The following XYLT1 variants were observed in gnomAD, a reference collection of about 807,000 sequenced individuals.
XYLT1 encodes the protein xylosyltransferase 1.
In XYLT1, 36 loss-of-function variants were observed where a neutral mutation model predicts 91.3. That is an observed-to-expected ratio of 0.39 (90% confidence interval 0.30 to 0.52). XYLT1 has a LOEUF of 0.52. XYLT1 is among the 20% of genes least tolerant of loss of function. XYLT1 has a pLI of 0.68. For synonymous variants in XYLT1, 588 were observed against 532.0 expected (o/e 1.11, Z -1.45); for missense variants, 1,242 against 1,284.5 (o/e 0.97, Z 0.51).
At position 17,182,849 on chromosome 16, in the gene XYLT1, G is replaced by A. The variant is rs538868153; in HGVS notation, c.1289+15363C>T. Among the ~76,000 whole-genome samples, 62 of 152,270 alleles carry A rather than the reference G, an allele frequency of 4.1e-4. 1 individual carries two copies. The highest frequency in any genetic ancestry group is 1.4e-3 in the African/African-American group (59 of 41,556). The stretch of plus-strand genomic sequence containing the variant: ...GGTCCAATGGGAACAGGATTACAAA[G>A]GAATTTGAAGGTTGGGGTTGTTCTT... On this transcript the variant is annotated intron_variant, in intron 5 of 11. Transcript: ENST00000261381.
intron 7 of XYLT1, 196 bp from the exon 8 acceptor site, chr16:17,138,727 A>G (rs2030865202): frequency 1.8e-6 from 1 of 564,070 alleles, no homozygotes; most frequent in East Asian, 2.9e-5. Context: ...TTTTCTTTAT[A>G]AATTACCAAG....
chr16:17,244,691 C>G (rs891003533), intron 3 of XYLT1, among the ~76,000 whole-genome samples: 1 of 152,180 alleles, frequency 6.6e-6, no homozygotes, highest in Non-Finnish European at 1.5e-5. Context: ...CAGAATGGTA[C>G]TAGTTATGTA....
intron 1 of XYLT1, among the ~76,000 whole-genome samples, chr16:17,428,360 A>G (rs188707613): frequency 6.6e-6 from 1 of 152,292 alleles, no homozygotes; most frequent in Non-Finnish European, 1.5e-5. Context: ...GGCAGAGCTT[A>G]CACCTGACCC....
rs770446499 is a variant in XYLT1, at chr16:17,134,687, T to A, written c.1813A>T (p.Asn605Tyr). ...FFARKFEAVVNQEIIGQLDYY... is the reference protein window; with the variant it reads ...FFARKFEAVVYQEIIGQLDYY... ...TCCAGCTGCCCAATGATTTCCTGATTCACCACGGCTTCAAACTTGCGGGCA... is the reference window on the plus strand; with the variant it reads ...TCCAGCTGCCCAATGATTTCCTGATACACCACGGCTTCAAACTTGCGGGCA... Residue 605 changes from asparagine (N) to tyrosine (Y), a missense_variant, in exon 9 of 12, where the codon AAT (asparagine) becomes TAT (tyrosine). By Grantham distance (143) the Asn-to-Tyr change is moderately radical. This residue lies in a region of XYLT1 where 511 missense variants were observed against 497.0 expected (regional missense o/e 1.03). Coordinates refer to ENST00000261381, the MANE Select transcript of XYLT1 (RefSeq NM_022166.4). 9.5e-5 allele frequency: 154 copies of A among 1,614,050 alleles called. No homozygotes were observed. The highest frequency in any genetic ancestry group is 1.2e-4 in the Non-Finnish European group (144 of 1,180,030).
At position 17,138,444 on chromosome 16, in the gene XYLT1, G is replaced by A; in HGVS notation, c.1675C>T (p.Leu559=). ...NLRITNWNRK[L]GCKCQYKHIV... The stretch of plus-strand genomic sequence containing the variant: ...TGCTTGTACTGGCACTTGCAGCCCA[G>A]CTTGCGATTCCAGTTGGTGATGCGC... The change falls in exon 8 of 12, where the codon CTG becomes TTG. Residue 559 remains leucine, a synonymous_variant. Transcript: ENST00000261381. 6.2e-7 allele frequency: 1 copy of A among 1,614,182 alleles called. No individual in the cohort carries two copies. Among genetic ancestry groups the A allele is most frequent in the Middle Eastern group, 1.7e-4 (1 of 6,060 alleles).
intron 3 of XYLT1, among the ~76,000 whole-genome samples, chr16:17,216,113 A>G (rs2032854131): frequency 6.6e-6 from 1 of 152,164 alleles, no homozygotes; most frequent in Non-Finnish European, 1.5e-5. Context: ...CTCTTGACCC[A>G]GAGGCTGCTG....
At chr16:17,428,548 A>G (rs760264845) in intron 1 of XYLT1, among the ~76,000 whole-genome samples, 3 of 152,222 alleles carry the variant, frequency 2.0e-5, no homozygotes, top group Non-Finnish European at 4.4e-5. Flanking sequence ...TTACAAATGC[A>G]TAATTATTTA....
At chr16:17,138,163 G>GGTTAGAACATCCCTGAAGTTA in intron 8 of XYLT1, 192 bp downstream of exon 8, 2 of 589,480 alleles carry the variant, frequency 3.4e-6, no homozygotes, top group Admixed American at 6.0e-5. Flanking sequence ...GAGTCAATGT[G>GGTTAGAACATCCCTGAAGTTA]GTTAGAACAT....
At chr16:17,216,912 G>C (rs1262551891) in intron 3 of XYLT1, among the ~76,000 whole-genome samples, 1 of 152,222 alleles carries the variant, frequency 6.6e-6, no homozygotes, top group African/African-American at 2.4e-5. Flanking sequence ...GATCACAACA[G>C]CAACGAGCAG....
rs1409654084 is a variant in XYLT1, at chr16:17,347,816, G to A, written c.402+10196C>T. Among the ~76,000 whole-genome samples, 3 of 152,328 alleles carry A rather than the reference G, an allele frequency of 2.0e-5. No individual in the cohort carries two copies. The East Asian group carries it at 5.8e-4, about 29-fold the overall frequency. ...GACTGTACAAAGAGATTCTTTATAA[G>A]GAAAACTAACAAGGGAGGTGCTATG... On this transcript the variant is annotated intron_variant, in intron 2 of 11. Transcript: ENST00000261381.
chr16:17,353,750 T>A (rs7500021), intron 2 of XYLT1, among the ~76,000 whole-genome samples: 1 of 152,036 alleles, frequency 6.6e-6, no homozygotes, highest in African/African-American at 2.4e-5. Context: ...TTGGATTGCA[T>A]ATACCAAGCC....
chr16:17,146,346 C>T (rs556622715), intron 6 of XYLT1, among the ~76,000 whole-genome samples: 27 of 152,288 alleles, frequency 1.8e-4, no homozygotes, highest in Admixed American at 1.3e-3. Flanking sequence ...CTGAAATGTG[C>T]TTTTCATCTG....
intron 3 of XYLT1, chr16:17,250,775 T>G (rs118062845): frequency 1.3e-5 from 2 of 152,330 alleles, no homozygotes; most frequent in Non-Finnish European, 2.9e-5. Context: ...CAGTTGGAAC[T>G]GCAAGGGCCG....
chr16:17,339,348 G>A (rs969657147), intron 2 of XYLT1, among the ~76,000 whole-genome samples: 9 of 152,080 alleles, frequency 5.9e-5, no homozygotes, highest in African/African-American at 1.9e-4. Flanking sequence ...AGCAACACCC[G>A]AGACTTTGAC....
intron 1 of XYLT1, among the ~76,000 whole-genome samples, chr16:17,444,512 CT>C (rs56872670): frequency 1.4e-3 from 203 of 143,602 alleles, no homozygotes; most frequent in Admixed American, 1.5e-3. Context: ...ACTTCTTCTT[CT>C]TTTTTTTTTT....
intron 5 of XYLT1, among the ~76,000 whole-genome samples, chr16:17,179,569 C>G (rs2032020549): frequency 6.6e-6 from 1 of 152,198 alleles, no homozygotes; most frequent in African/African-American, 2.4e-5. Flanking sequence ...CACTTATCTA[C>G]TGTCTCTTTC....
chr16:17,408,630 G>A (rs965957205), intron 1 of XYLT1, among the ~76,000 whole-genome samples: 2 of 152,336 alleles, frequency 1.3e-5, no homozygotes, highest in South Asian at 2.1e-4. Context: ...CGGATCACCT[G>A]AAGTCAGGAG....
Position 17,383,199 on chromosome 16 carries a change from A to T in XYLT1, c.364-25149T>A, listed in dbSNP as rs2035702866. The stretch of plus-strand genomic sequence containing the variant: ...ACCGTCACTAGCCACAAACACAGGA[A>T]ATGCACAGCAGCTTCACATCTTCCT... On this transcript the variant is annotated intron_variant, in intron 1 of 11. Coordinates refer to ENST00000261381, the MANE Select transcript of XYLT1 (RefSeq NM_022166.4). Among the ~76,000 whole-genome samples, 3 of 151,814 alleles carry T rather than the reference A, an allele frequency of 2.0e-5. No individual in the cohort carries two copies. The Admixed American group carries it at 2.0e-4, about 10-fold the overall frequency.
intron 2 of XYLT1, among the ~76,000 whole-genome samples, chr16:17,296,112 T>A (rs1365375786): frequency 1.3e-5 from 2 of 151,846 alleles, no homozygotes; most frequent in African/African-American, 4.8e-5. Flanking sequence ...CTATTTTATG[T>A]GGGACCTAAA....
Sources: gnomAD v4.1 joint callset for allele counts (sites outside exome capture counted in the v4.1 genomes callset) on GRCh38, gnomAD v4.1.1 for gene constraint, gnomAD v4.1.1 regional missense constraint, MANE v1.5 for transcripts, NCBI Gene and HGNC (gene_info 2026-07-23, HGNC 2026-07-21) for gene names.